TAFA2: variants seen among roughly 807,000 people sequenced by gnomAD.
The protein encoded by TAFA2 is TAFA chemokine like family member 2, also known as chemokine-like protein TAFA-2.
In TAFA2, 7 loss-of-function variants were observed where a neutral mutation model predicts 18.8. That is an observed-to-expected ratio of 0.37 (90% CI 0.21 to 0.70). The LOEUF (loss-of-function observed/expected upper bound fraction) is 0.70, where lower values mean the gene tolerates loss of function less well. TAFA2 is among the 30% of genes least tolerant of loss of function. The pLI is 0.53. For missense variants in TAFA2, 122 were observed against 158.1 expected (o/e 0.77, Z 1.23); for synonymous variants, 60 against 54.2 (o/e 1.11, Z -0.47).
At chr12:61,952,565 C>T (rs1878506517) in intron 1 of TAFA2, among the ~76,000 whole-genome samples, 1 of 151,978 alleles carries the variant, frequency 6.6e-6, no homozygotes, top group Non-Finnish European at 1.5e-5. Flanking sequence ...CAGATAAGCC[C>T]ATTGGAAACA....
At chr12:61,881,898 T>C (rs969547570) in intron 1 of TAFA2, among the ~76,000 whole-genome samples, 1 of 151,824 alleles carries the variant, frequency 6.6e-6, no homozygotes, top group Non-Finnish European at 1.5e-5. Context: ...TCATGGACTG[T>C]GTAAACTCTG....
chr12:61,930,108 A>G (rs1877493157), intron 1 of TAFA2, among the ~76,000 whole-genome samples: 2 of 152,140 alleles, frequency 1.3e-5, no homozygotes, highest in African/African-American at 4.8e-5. Context: ...ATACATATGT[A>G]ACAAGCCTAC....
At chr12:62,135,686 A>G (rs997802851) in intron 1 of TAFA2, 2 of 152,160 alleles carry the variant, frequency 1.3e-5, no homozygotes, top group Admixed American at 6.6e-5. Context: ...CTGATTTACC[A>G]TCTCTGAATT....
intron 1 of TAFA2, among the ~76,000 whole-genome samples, chr12:61,888,612 C>A (rs748901788): frequency 1.3e-5 from 2 of 152,122 alleles, no homozygotes; most frequent in Non-Finnish European, 2.9e-5. Flanking sequence ...TTGAAAAATT[C>A]AGTGAGAGGG....
intron 1 of TAFA2, among the ~76,000 whole-genome samples, chr12:61,927,087 A>T (rs1044790869): frequency 2.7e-5 from 4 of 150,916 alleles, no homozygotes; most frequent in African/African-American, 7.3e-5. Flanking sequence ...AAAAAAAAAA[A>T]AAAAAAATAC....
chr12:62,255,698 C>CA (rs1435910344), intron 1 of TAFA2, among the ~76,000 whole-genome samples: 1 of 151,312 alleles, frequency 6.6e-6, no homozygotes, highest in Non-Finnish European at 1.5e-5. Context: ...ACTAAAAATA[C>CA]AAAAATTAGG....
At chr12:61,986,101 G>C (rs1879803859) in intron 1 of TAFA2, among the ~76,000 whole-genome samples, 1 of 145,712 alleles carries the variant, frequency 6.9e-6, no homozygotes, top group Non-Finnish European at 1.5e-5. Context: ...ATTATGTTCA[G>C]TGTATTTGCT....
chr12:61,851,044 A>G (rs1873621497), intron 2 of TAFA2, among the ~76,000 whole-genome samples: 1 of 152,222 alleles, frequency 6.6e-6, no homozygotes, highest in Non-Finnish European at 1.5e-5. Flanking sequence ...TATCATAATT[A>G]TATTTATTCT....
At chr12:61,807,687 C>G (rs926512693) in intron 2 of TAFA2, among the ~76,000 whole-genome samples, 1 of 151,376 alleles carries the variant, frequency 6.6e-6, no homozygotes, top group Non-Finnish European at 1.5e-5. Flanking sequence ...AGTGGAGCTT[C>G]CCAAGACCAT....
intron 4 of TAFA2, among the ~76,000 whole-genome samples, chr12:61,723,421 A>G (rs1179477265): frequency 1.3e-5 from 2 of 152,146 alleles, no homozygotes; most frequent in African/African-American, 4.8e-5. Flanking sequence ...ATAAGGAAAA[A>G]GGCGATAAGT....
intron 1 of TAFA2, among the ~76,000 whole-genome samples, chr12:62,250,365 G>T (rs981446565): frequency 6.6e-6 from 1 of 152,122 alleles, no homozygotes; most frequent in East Asian, 1.9e-4. Context: ...TTATATTTAA[G>T]ATTTTTCTCT....
chr12:61,851,950 G>A (rs1873685739), intron 2 of TAFA2, among the ~76,000 whole-genome samples: 1 of 151,876 alleles, frequency 6.6e-6, no homozygotes, highest in South Asian at 2.1e-4. Context: ...GCTCACGCCT[G>A]TAATCCCAGC....
Position 62,178,711 on chromosome 12 carries a change from T to C in TAFA2, c.-2+12548A>G, listed in dbSNP as rs143626341. ...GCATCCCTAGCACTTATGGAACCCA[T>C]ATCTTTTATAATGGGCTACAAGAAG... On this transcript the variant is annotated intron_variant, in intron 1 of 4. Coordinates refer to ENST00000416284, the MANE Select transcript of TAFA2 (RefSeq NM_178539.5). Among the ~76,000 whole-genome samples, 5 of 152,312 alleles carry C rather than the reference T, an allele frequency of 3.3e-5. No homozygotes were observed. In the East Asian group the frequency reaches 7.7e-4, roughly 24 times the overall value.
At chr12:61,927,740 A>G (rs1342576165) in intron 1 of TAFA2, among the ~76,000 whole-genome samples, 1 of 152,242 alleles carries the variant, frequency 6.6e-6, no homozygotes, top group African/African-American at 2.4e-5. Flanking sequence ...TGGAGGCATC[A>G]TGCCACTTGA....
chr12:61,740,338 T>A (rs1301549914), intron 4 of TAFA2, among the ~76,000 whole-genome samples: 1 of 151,784 alleles, frequency 6.6e-6, no homozygotes, highest in Non-Finnish European at 1.5e-5. Flanking sequence ...CTGTCAGAGT[T>A]GGGAGGCAAG....
At chr12:61,907,395 G>A (rs1217327545) in intron 1 of TAFA2, among the ~76,000 whole-genome samples, 1 of 152,204 alleles carries the variant, frequency 6.6e-6, no homozygotes, top group African/African-American at 2.4e-5. Flanking sequence ...GCTTCAGAGG[G>A]TGCAAGCCCC....
intron 1 of TAFA2, among the ~76,000 whole-genome samples, chr12:62,107,824 G>C (rs559459637): frequency 2.0e-5 from 3 of 152,108 alleles, no homozygotes; most frequent in African/African-American, 7.2e-5. Context: ...TGTAGTATTT[G>C]TTACTTTAAT....
chr12:61,818,490 TACACACACACACAC>T (rs3034071), intron 2 of TAFA2, among the ~76,000 whole-genome samples: 2 of 140,800 alleles, frequency 1.4e-5, no homozygotes, highest in South Asian at 2.3e-4. Flanking sequence ...CTCAAAAAAA[TACACACACACACAC>T]ACACACACAC....
chr12:62,167,982 T>C (rs1325371446), intron 1 of TAFA2, among the ~76,000 whole-genome samples: 1 of 152,220 alleles, frequency 6.6e-6, no homozygotes. Context: ...TATAAATTCA[T>C]AATCATACTT....
Sources: gnomAD v4.1 joint callset for allele counts (sites outside exome capture counted in the v4.1 genomes callset) on GRCh38, gnomAD v4.1.1 for gene constraint, MANE v1.5 for transcripts, NCBI Gene and HGNC (gene_info 2026-07-23, HGNC 2026-07-21) for gene names.